SPATS2L: variants seen among roughly 807,000 people sequenced by gnomAD.
SPATS2L encodes the protein SPATS2-like protein.
SPATS2L carries 30 observed loss-of-function variants against 59.6 expected under a neutral mutation model. The observed-to-expected ratio is 0.50, with a 90% CI of 0.38 to 0.68. The LOEUF is 0.68. Among genes scored for constraint, SPATS2L ranks in the 30% least tolerant of loss-of-function variants. The probability of loss-of-function intolerance (pLI) is 0.00; values close to 1 mark genes in which losing one functional copy is unlikely to be tolerated. For missense variants in SPATS2L, 615 were observed against 700.0 expected, an observed-to-expected ratio of 0.88 and a Z score of 1.37; for synonymous variants, 252 against 263.5, an observed-to-expected ratio of 0.96 and a Z score of 0.42.
intron 1 of SPATS2L, among the ~76,000 whole-genome samples, chr2:200,317,018 A>G (rs946446596): frequency 3.3e-5 from 5 of 152,188 alleles, no homozygotes; most frequent in Non-Finnish European, 7.3e-5. Flanking sequence ...GTGCATTCAT[A>G]TCTTTGTCTC....
chr2:200,417,174 G>C (rs536236665), intron 5 of SPATS2L, among the ~76,000 whole-genome samples: 3 of 152,244 alleles, frequency 2.0e-5, no homozygotes, highest in African/African-American at 7.2e-5. Context: ...GATTTCCCAG[G>C]ATATAGTACG....
chr2:200,410,679 A>G (rs2082845736), intron 3 of SPATS2L, among the ~76,000 whole-genome samples: 1 of 150,838 alleles, frequency 6.6e-6, no homozygotes, highest in Non-Finnish European at 1.5e-5. Context: ...CTCATCCTCC[A>G]TCCAGGTCTC....
At chr2:200,405,287 G>C (rs1240483062) in intron 3 of SPATS2L, among the ~76,000 whole-genome samples, 2 of 151,874 alleles carry the variant, frequency 1.3e-5, no homozygotes, top group Admixed American at 6.6e-5. Flanking sequence ...ATGTTTCTAA[G>C]ATCCTCTCCA....
At chr2:200,352,509 C>T (rs796611938) in intron 2 of SPATS2L, among the ~76,000 whole-genome samples, 7 of 151,902 alleles carry the variant, frequency 4.6e-5, no homozygotes, top group African/African-American at 1.7e-4. Flanking sequence ...AATCTGCTAA[C>T]CTGCTGCTTT....
chr2:200,343,112 G>A (rs944181500), intron 2 of SPATS2L, among the ~76,000 whole-genome samples: 1 of 152,140 alleles, frequency 6.6e-6, no homozygotes, highest in South Asian at 2.1e-4. Flanking sequence ...CTAATTGGGA[G>A]AATAACTTGG....
At chr2:200,324,028 C>A (rs1359379716) in intron 1 of SPATS2L, among the ~76,000 whole-genome samples, 1 of 152,150 alleles carries the variant, frequency 6.6e-6, no homozygotes, top group African/African-American at 2.4e-5. Flanking sequence ...GTGAAGGGCT[C>A]AGAAACTGCT....
At position 200,477,744 on chromosome 2, in the gene SPATS2L, A is replaced by G. The variant is rs1251066904; in HGVS notation, c.1390A>G (p.Lys464Glu). 6.3e-7 allele frequency: 1 copy of G among 1,578,556 alleles called. No homozygotes were observed. The highest frequency in any genetic ancestry group is 1.8e-5 in the Admixed American group (1 of 54,356). ...TGGGAATGAAGCCGAGCCACTGGGAAAGGGCAACAGCCGCCACGAACACAG... is the reference window on the plus strand; with the variant it reads ...TGGGAATGAAGCCGAGCCACTGGGAGAGGGCAACAGCCGCCACGAACACAG... The part of the protein sequence containing the change: ...GSGNEAEPLG[K>E]GNSRHEHRRQ... The change falls in exon 13 of 13, where the codon AAG becomes GAG. Residue 464 changes from lysine (K) to glutamate (E), a missense_variant. Lys to Glu is a moderately conservative substitution (Grantham distance 56). This residue lies in a region of SPATS2L where 284 missense variants were observed against 280.1 expected (regional missense o/e 1.01). Transcript: ENST00000409140.
At chr2:200,412,511 C>A in intron 4 of SPATS2L, 92 bp downstream of exon 4, 1 of 637,660 alleles carries the variant, frequency 1.6e-6, no homozygotes, top group East Asian at 3.1e-5. Flanking sequence ...AATATCAATT[C>A]ATTATGTGTA....
At chr2:200,472,351 G>T (rs2087115524) in intron 11 of SPATS2L, among the ~76,000 whole-genome samples, 1 of 152,166 alleles carries the variant, frequency 6.6e-6, no homozygotes, top group South Asian at 2.1e-4. Flanking sequence ...AGAACATCGT[G>T]GATCTGACAG....
intron 11 of SPATS2L, among the ~76,000 whole-genome samples, chr2:200,471,957 A>G (rs1261657108): frequency 6.6e-6 from 1 of 152,220 alleles, no homozygotes; most frequent in Non-Finnish European, 1.5e-5. Flanking sequence ...GAGGGAAGTC[A>G]GGGCTTTATC....
In SPATS2L at chr2:200,368,187, A is replaced by T. The variant is rs1361510133; in HGVS notation, c.-22-21036A>T. On this transcript the variant is annotated intron_variant, in intron 2 of 12. Transcript: ENST00000409140. ...GTGTGAGAATCCAAAAACCCAAAAG[A>T]AGATGCATACTTGGTGAAGTTAAAA... 8.5e-5 allele frequency among the ~76,000 whole-genome samples: 13 copies of T among 152,302 alleles called. No homozygotes were observed. In the East Asian group the frequency reaches 2.5e-3, roughly 29 times the overall value.
At position 200,419,455 on chromosome 2, in the gene SPATS2L, C is replaced by G. The variant is rs529858321; in HGVS notation, c.404C>G (p.Ser135Trp). Residue 135 changes from serine to tryptophan, a missense_variant, in exon 6 of 13, where the codon TCG becomes TGG. Coordinates refer to ENST00000409140, the MANE Select transcript of SPATS2L (RefSeq NM_001100423.2). ...CTTATCCCTCGTGAGAAAAAGATCT[C>G]GATACTTGAGGAACCTTCAAAGGCA... ...PALIPREKKI[S>W]ILEEPSKALR... is the part of the protein sequence containing the mutation. The G allele has an allele frequency of 6.2e-7, 1 of 1,613,708 alleles. No individual in the cohort carries two copies. The highest frequency in any genetic ancestry group is 8.5e-7 in the Non-Finnish European group (1 of 1,179,852).
chr2:200,443,298 G>A (rs947536792), intron 8 of SPATS2L, among the ~76,000 whole-genome samples: 2 of 152,132 alleles, frequency 1.3e-5, no homozygotes, highest in African/African-American at 4.8e-5. Flanking sequence ...AATTGAAGAT[G>A]GCAGCTTGGA....
At chr2:200,466,022 ACT>A (rs377692684) in intron 9 of SPATS2L, among the ~76,000 whole-genome samples, 5 of 152,186 alleles carry the variant, frequency 3.3e-5, no homozygotes, top group African/African-American at 1.2e-4. Flanking sequence ...AAAGAGCGAG[ACT>A]CTGTCTCAAA....
chr2:200,394,459 A>G (rs2082269113), intron 3 of SPATS2L, among the ~76,000 whole-genome samples: 1 of 152,024 alleles, frequency 6.6e-6, no homozygotes, highest in Admixed American at 6.6e-5. Flanking sequence ...CACGGAGTGT[A>G]ATTGTTAGTT....
At chr2:200,384,067 C>T in intron 2 of SPATS2L, 6 of 904,614 alleles carry the variant, frequency 6.6e-6, no homozygotes, top group Non-Finnish European at 8.1e-6. Context: ...GCATTAGAAA[C>T]ATAAATATAT....
At chr2:200,365,425 T>A (rs2105879845) in intron 2 of SPATS2L, among the ~76,000 whole-genome samples, 1 of 152,294 alleles carries the variant, frequency 6.6e-6, no homozygotes, top group East Asian at 1.9e-4. Context: ...GCTGGCTGGT[T>A]GCCTACACAG....
chr2:200,410,623 A>G (rs1392000733), intron 3 of SPATS2L, among the ~76,000 whole-genome samples: 2 of 151,758 alleles, frequency 1.3e-5, no homozygotes, highest in Admixed American at 6.6e-5. Flanking sequence ...GCTGTTCTCT[A>G]TGCCCAAAAT....
Position 200,439,185 on chromosome 2 carries a change from C to A in SPATS2L, c.509C>A (p.Thr170Lys), listed in dbSNP as rs866565918. Residue 170 changes from threonine (T) to lysine (K), a missense_variant, in exon 7 of 13, where the codon ACA (threonine) becomes AAA (lysine). By Grantham distance (78) the Thr-to-Lys change is moderately conservative. Coordinates refer to ENST00000409140, the MANE Select transcript of SPATS2L (RefSeq NM_001100423.2). ...GGGAACCCCAAACCTATACATGGAA[C>A]AACAGAGAGGTCAGATGGCCTACAG... is the stretch of plus-strand genomic sequence containing the variant. The part of the protein sequence containing the change: ...LDGNPKPIHG[T>K]TERSDGLQWS... 2 of 1,613,756 alleles carry A rather than the reference C, an allele frequency of 1.2e-6. No individual in the cohort carries two copies. The highest frequency in any genetic ancestry group is 1.7e-6 in the Non-Finnish European group (2 of 1,179,742).
Sources: gnomAD v4.1 joint callset for allele counts (sites outside exome capture counted in the v4.1 genomes callset) on GRCh38, gnomAD v4.1.1 for gene constraint, gnomAD v4.1.1 regional missense constraint, MANE v1.5 for transcripts, NCBI Gene and HGNC (gene_info 2026-07-23, HGNC 2026-07-21) for gene names.